ADCYAP1R1: variants seen among roughly 807,000 people sequenced by gnomAD.
ADCYAP1R1 encodes the protein ADCYAP receptor type I.
Under a neutral mutation model 67.6 loss-of-function variants are expected in ADCYAP1R1, and 44 were observed. The observed-to-expected ratio is 0.65, with a 90% CI of 0.51 to 0.84. ADCYAP1R1 has a LOEUF of 0.84. Ranked by LOEUF, ADCYAP1R1 falls within the 40% of genes least tolerant of loss-of-function variation. ADCYAP1R1 has a pLI of 0.00. For missense variants in ADCYAP1R1, 477 were observed against 587.9 expected, an observed-to-expected ratio of 0.81 and a Z score of 1.95; for synonymous variants, 222 against 219.6, an observed-to-expected ratio of 1.01 and a Z score of -0.10.
At chr7:31,054,712 C>T (rs1269009271) in intron 1 of ADCYAP1R1, among the ~76,000 whole-genome samples, 1 of 152,220 alleles carries the variant, frequency 6.6e-6, no homozygotes, top group African/African-American at 2.4e-5. Context: ...CTTGTGCTGT[C>T]TGCCACAGGG....
rs377378040 is a variant in ADCYAP1R1 at position 31,103,395 on chromosome 7, C to G, written c.1176+29C>G. On this transcript the variant is annotated intron_variant, in intron 14 of 15. Transcript: ENST00000304166. Reference sequence around the variant, plus strand: ...GGTGTGGCACATGGGGAGGACAGAACTCACTGGGAGCCAGGGCCTGGTTGC... The same window carrying G: ...GGTGTGGCACATGGGGAGGACAGAAGTCACTGGGAGCCAGGGCCTGGTTGC... The G allele has an allele frequency of 1.9e-5, 31 of 1,613,724 alleles. 1 individual carries two copies. Among genetic ancestry groups the G allele is most frequent in the Middle Eastern group, 3.3e-4 (2 of 6,082 alleles).
At chr7:31,083,179 A>G (rs183155057) in intron 6 of ADCYAP1R1, among the ~76,000 whole-genome samples, 2 of 152,374 alleles carry the variant, frequency 1.3e-5, no homozygotes, top group African/African-American at 2.4e-5. Flanking sequence ...TAGACCGGGT[A>G]CGCTCCCAGT....
At chr7:31,078,171 A>G in intron 4 of ADCYAP1R1, 73 bp downstream of exon 4, 1 of 1,282,716 alleles carries the variant, frequency 7.8e-7, no homozygotes, top group Non-Finnish European at 1.1e-6. Flanking sequence ...GGCAAGCACC[A>G]AGGACAGGGA....
At chr7:31,078,221 C>T (rs1795360185) in intron 4 of ADCYAP1R1, 123 bp downstream of exon 4, 5 of 685,330 alleles carry the variant, frequency 7.3e-6, no homozygotes, top group African/African-American at 1.8e-5. Flanking sequence ...CCTGAGCTCA[C>T]ATGTGGTGTG....
At chr7:31,055,145 T>C (rs1441681445) in intron 1 of ADCYAP1R1, among the ~76,000 whole-genome samples, 1 of 152,146 alleles carries the variant, frequency 6.6e-6, no homozygotes, top group Non-Finnish European at 1.5e-5. Context: ...ATAGGCTTTC[T>C]ATGACACCTG....
Position 31,107,383 on chromosome 7 carries a change from T to G in ADCYAP1R1, c.*699T>G, listed in dbSNP as rs1224656162. On this transcript the variant is annotated 3_prime_UTR_variant, in exon 16 of 16. Transcript: ENST00000304166. ...GTCTGCAGGTCAGGGAAGGTTCTGG[T>G]GCTTTTCGTTTGATCCAAAAGGAGC... 6.6e-6 allele frequency: 1 copy of G among 152,294 alleles called. No homozygotes were observed. The highest frequency in any genetic ancestry group is 6.5e-5 in the Admixed American group (1 of 15,286). 9.4% of individuals were successfully genotyped at this position (152,294 alleles called of 1,614,324 possible).
intron 7 of ADCYAP1R1, among the ~76,000 whole-genome samples, chr7:31,084,520 T>A (rs953187474): frequency 9.9e-5 from 15 of 152,212 alleles, no homozygotes; most frequent in African/African-American, 3.6e-4. Flanking sequence ...CAACAGCATA[T>A]ATTGAGCATC....
chr7:31,104,993 G>A, intron 15 of ADCYAP1R1, 84 bp downstream of exon 15: 1 of 1,379,574 alleles, frequency 7.2e-7, no homozygotes, highest in Admixed American at 1.7e-5. Flanking sequence ...TTGGCCACAT[G>A]GGACTGACTC....
intron 3 of ADCYAP1R1, among the ~76,000 whole-genome samples, chr7:31,074,212 A>G (rs1356970021): frequency 6.6e-6 from 1 of 152,182 alleles, no homozygotes; most frequent in Non-Finnish European, 1.5e-5. Context: ...CTGAGTCACA[A>G]GTGAGCCTGC....
intron 13 of ADCYAP1R1, among the ~76,000 whole-genome samples, chr7:31,099,458 TG>T (rs1796343965): frequency 6.6e-6 from 1 of 152,214 alleles, no homozygotes; most frequent in Non-Finnish European, 1.5e-5. Flanking sequence ...TAGCCACATA[TG>T]GGTAGTGGCT....
At chr7:31,068,232 C>T (rs1794831328) in intron 3 of ADCYAP1R1, among the ~76,000 whole-genome samples, 1 of 152,276 alleles carries the variant, frequency 6.6e-6, no homozygotes, top group Non-Finnish European at 1.5e-5. Flanking sequence ...CACACACACA[C>T]ACACACGTAC....
intron 13 of ADCYAP1R1, among the ~76,000 whole-genome samples, chr7:31,101,357 C>T (rs888222678): frequency 6.6e-6 from 1 of 152,132 alleles, no homozygotes; most frequent in African/African-American, 2.4e-5. Context: ...GTTTCCAGGG[C>T]CCTTTTTAGA....
intron 1 of ADCYAP1R1, among the ~76,000 whole-genome samples, chr7:31,057,431 A>G (rs1584470369): frequency 6.6e-6 from 1 of 152,260 alleles, no homozygotes; most frequent in Non-Finnish European, 1.5e-5. Context: ...GTGAGATGGG[A>G]TGATACTGCC....
At chr7:31,058,624 A>G (rs1164135543) in intron 1 of ADCYAP1R1, among the ~76,000 whole-genome samples, 1 of 152,106 alleles carries the variant, frequency 6.6e-6, no homozygotes, top group African/African-American at 2.4e-5. Context: ...TTTAAAGTCT[A>G]TTTCAGGTCT....
chr7:31,097,559 T>A (rs907320679), intron 13 of ADCYAP1R1, among the ~76,000 whole-genome samples: 2 of 152,138 alleles, frequency 1.3e-5, no homozygotes, highest in African/African-American at 4.8e-5. Flanking sequence ...TGATCTGCCC[T>A]CCCTGACCCC....
chr7:31,066,651 C>T (rs1037836813), intron 3 of ADCYAP1R1, among the ~76,000 whole-genome samples: 5 of 151,992 alleles, frequency 3.3e-5, no homozygotes, highest in Non-Finnish European at 5.9e-5. Flanking sequence ...TTCAGAAAAA[C>T]GTACTCCAGC....
chr7:31,071,367 G>A (rs1411581147), intron 3 of ADCYAP1R1, among the ~76,000 whole-genome samples: 1 of 152,110 alleles, frequency 6.6e-6, no homozygotes, highest in African/African-American at 2.4e-5. Flanking sequence ...AGCACTCCCC[G>A]ACCCACCCCT....
In ADCYAP1R1 at chr7:31,109,041, C is replaced by T. The variant is rs1442819768; in HGVS notation, c.*2357C>T. 6.6e-6 allele frequency: 1 copy of T among 152,216 alleles called. No individual in the cohort carries two copies. Among genetic ancestry groups the T allele is most frequent in the East Asian group, 1.9e-4 (1 of 5,184 alleles). 9.4% of individuals were successfully genotyped at this position (152,216 alleles called of 1,614,324 possible). On this transcript the variant is annotated 3_prime_UTR_variant, in exon 16 of 16. Coordinates refer to ENST00000304166, the MANE Select transcript of ADCYAP1R1 (RefSeq NM_001118.5). ...CCCATTCATTCATCATGACTCCCAA[C>T]AGTTTTCATTGTGGAAGAAGAAACT... is the stretch of plus-strand genomic sequence containing the variant.
intron 15 of ADCYAP1R1, among the ~76,000 whole-genome samples, chr7:31,105,608 G>C (rs543592414): frequency 6.6e-6 from 1 of 152,328 alleles, no homozygotes; most frequent in South Asian, 2.1e-4. Context: ...ACCAGTGCTT[G>C]GGTCTTAGCT....
Sources: gnomAD v4.1 joint callset for allele counts (sites outside exome capture counted in the v4.1 genomes callset) on GRCh38, gnomAD v4.1.1 for gene constraint, MANE v1.5 for transcripts, NCBI Gene and HGNC (gene_info 2026-07-23, HGNC 2026-07-21) for gene names.